SP5: variants seen among roughly 807,000 people sequenced by gnomAD.
The protein encoded by SP5 is transcription factor Sp5.
In SP5, 12 loss-of-function variants were observed where a neutral mutation model predicts 27.4. The ratio of observed to expected loss-of-function variants is 0.44; its 90% CI spans 0.28 to 0.71. The LOEUF (loss-of-function observed/expected upper bound fraction) is 0.71, where lower values mean the gene tolerates loss of function less well. Among genes scored for constraint, SP5 ranks in the 30% least tolerant of loss-of-function variants. SP5 has a pLI of 0.15. For synonymous variants in SP5, 330 were observed against 290.7 expected (o/e 1.14, Z -1.38); for missense variants, 660 against 589.8 (o/e 1.12, Z -1.23).
At position 170,716,698 on chromosome 2, in the gene SP5, C is replaced by T. The variant is rs1263203230; in HGVS notation, c.491C>T (p.Pro164Leu). 6 of 1,526,982 alleles carry T rather than the reference C, an allele frequency of 3.9e-6. No homozygotes were observed. Among genetic ancestry groups the T allele is most frequent in the Non-Finnish European group, 5.2e-6 (6 of 1,146,206 alleles). The allele number at this position is 1,526,982 out of a possible 1,614,324, so 94.6% of individuals were successfully genotyped here. A position where few individuals can be genotyped will look rare whatever the true frequency, so the allele number is the denominator to read the frequency against. ...CCGCCAGGCTACTCCAACCTGCTGC[C>T]TCCGCCGCCGCCACCGCCCCCGCCG... ...ALPPGYSNLL[P>L]PPPPPPPPPT... is the part of the protein sequence containing the mutation. Residue 164 changes from proline (P) to leucine (L), a missense_variant, in exon 2 of 2, where the codon CCT becomes CTT. Pro to Leu is a moderately conservative substitution (Grantham distance 98). Coordinates refer to ENST00000375281, the MANE Select transcript of SP5 (RefSeq NM_001003845.3).
rs776373844 is a variant in SP5 at position 170,716,410 on chromosome 2, G to A, written c.203G>A (p.Arg68Lys). ...GACCCCGCGCTGGGCTCACCCTCCA[G>A]GCTCTTCCACCCGTGGACCGCCGAC... Reference protein sequence around the residue: ...PYDPALGSPSRLFHPWTADMP... With the variant: ...PYDPALGSPSKLFHPWTADMP... The change falls in exon 2 of 2, where the codon AGG becomes AAG. Residue 68 changes from arginine (R) to lysine (K), a missense_variant. Physicochemically the swap from Arg to Lys is conservative, Grantham distance 26. Coordinates refer to ENST00000375281, the MANE Select transcript of SP5 (RefSeq NM_001003845.3). The A allele has an allele frequency of 3.8e-6, 6 of 1,599,948 alleles. No homozygotes were observed. The Admixed American group carries it at 1.0e-4, about 27-fold the overall frequency.
chr2:170,716,554 C>T lies in SP5; in HGVS notation c.347C>T (p.Pro116Leu), dbSNP rs901008140. Residue 116 changes from proline to leucine, a missense_variant, in exon 2 of 2, where the codon CCC (proline) becomes CTC (leucine). Physicochemically the swap from Pro to Leu is moderately conservative, Grantham distance 98. Transcript: ENST00000375281. ...GCGCACGAGCTTCCCCTTACACCCC[C>T]CGCCGACCCCTCGTACCCCTACGAG... Reference protein sequence around the residue: ...GAAHELPLTPPADPSYPYEFS... With the variant: ...GAAHELPLTPLADPSYPYEFS... 6.2e-7 allele frequency: 1 copy of T among 1,610,862 alleles called. No individual in the cohort carries two copies. Among genetic ancestry groups the T allele is most frequent in the African/African-American group, 1.3e-5 (1 of 74,820 alleles).
intron 1 of SP5, 95 bp downstream of exon 1, chr2:170,715,658 C>A (rs982612277): frequency 2.0e-6 from 3 of 1,476,636 alleles, no homozygotes; most frequent in African/African-American, 2.9e-5. Context: ...TCAAAGGGAA[C>A]CCCGCCGATG....
chr2:170,716,667 G>A lies in SP5; in HGVS notation c.460G>A (p.Ala154Thr), dbSNP rs1409789027. 5 of 1,597,806 alleles carry A rather than the reference G, an allele frequency of 3.1e-6. No homozygotes were observed. The highest frequency in any genetic ancestry group is 3.4e-6 in the Non-Finnish European group (4 of 1,175,300). ...CTACGTGCCCTACGCGGCGCAGGCC[G>A]CGCTGCCGCCAGGCTACTCCAACCT... ...PAYVPYAAQA[A>T]LPPGYSNLLP... The change falls in exon 2 of 2, where the codon GCG (alanine) becomes ACG (threonine). Residue 154 changes from alanine to threonine, a missense_variant. Coordinates refer to ENST00000375281, the MANE Select transcript of SP5 (RefSeq NM_001003845.3).
chr2:170,716,786 G>T lies in SP5; in HGVS notation c.579G>T (p.Pro193=). ...APDDLPWWSI[P]QAGAGPGASG... is the part of the protein sequence containing the mutation. ...ACGACCTCCCGTGGTGGAGCATCCC[G>T]CAGGCGGGCGCCGGGCCGGGGGCCT... is the stretch of plus-strand genomic sequence containing the variant. The change falls in exon 2 of 2, where the codon CCG becomes CCT. Residue 193 remains proline, a synonymous_variant. Transcript: ENST00000375281. The T allele has an allele frequency of 1.4e-6, 2 of 1,409,328 alleles. No individual in the cohort carries two copies. Among genetic ancestry groups the T allele is most frequent in the Non-Finnish European group, 1.8e-6 (2 of 1,087,230 alleles). 87.3% of individuals were successfully genotyped at this position (1,409,328 alleles called of 1,614,324 possible).
chr2:170,717,549 C>A lies in SP5; in HGVS notation c.*145C>A. The A allele has an allele frequency of 8.8e-7, 1 of 1,137,340 alleles. No individual in the cohort carries two copies. Among genetic ancestry groups the A allele is most frequent in the Non-Finnish European group, 1.2e-6 (1 of 815,222 alleles). 70.5% of individuals were successfully genotyped at this position (1,137,340 alleles called of 1,614,324 possible). ...GAGCCAGGCTTCCAACTTCCGCTGC[C>A]TTCGGACATAGGGACCCAGTTCCCA... On this transcript the variant is annotated 3_prime_UTR_variant, in exon 2 of 2. Coordinates refer to ENST00000375281, the MANE Select transcript of SP5 (RefSeq NM_001003845.3).
Position 170,715,454 on chromosome 2 carries a change from G to A in SP5, c.-59G>A, listed in dbSNP as rs982740561. 10 of 1,539,040 alleles carry A rather than the reference G, an allele frequency of 6.5e-6. No individual in the cohort carries two copies. Among genetic ancestry groups the A allele is most frequent in the South Asian group, 4.8e-5 (4 of 83,224 alleles). On this transcript the variant is annotated 5_prime_UTR_variant, in exon 1 of 2. In the 5' UTR this introduces an upstream ATG that the reference lacks. Coordinates refer to ENST00000375281, the MANE Select transcript of SP5 (RefSeq NM_001003845.3). ...GGCGGCCCTTCGTCCTCGCCTTCGG[G>A]TGTCCATGCCTCGGCGGCGGCGTCC...
At position 170,715,534 on chromosome 2, in the gene SP5, C is replaced by G; in HGVS notation, c.22C>G (p.Arg8Gly). The change falls in exon 1 of 2, where the codon CGG (arginine) becomes GGG (glycine). Residue 8 changes from arginine to glycine, a missense_variant. Physicochemically the swap from Arg to Gly is moderately radical, Grantham distance 125. Transcript: ENST00000375281. MAAVAVL[R>G]NDSLQAFLQD... ...AGCCATGGCCGCGGTGGCCGTCCTC[C>G]GGAACGACTCGCTGCAGGCCTTTCT... 1 of 1,558,566 alleles carries G rather than the reference C, an allele frequency of 6.4e-7. No individual in the cohort carries two copies. The highest frequency in any genetic ancestry group is 8.7e-7 in the Non-Finnish European group (1 of 1,151,942).
chr2:170,717,185 C>T lies in SP5; in HGVS notation c.978C>T (p.Phe326=), dbSNP rs1700089346. 6.2e-7 allele frequency: 1 copy of T among 1,608,130 alleles called. No homozygotes were observed. Among genetic ancestry groups the T allele is most frequent in the South Asian group, 1.1e-5 (1 of 90,382 alleles). The change falls in exon 2 of 2, where the codon TTC becomes TTT. Residue 326 remains phenylalanine (F), a synonymous_variant. Transcript: ENST00000375281. ...HLRWHTGERP[F]VCNWLFCGKS... ...GCTGGCACACGGGCGAGCGACCCTT[C>T]GTGTGCAACTGGCTCTTCTGCGGGA...
chr2:170,717,304 T>C lies in SP5; in HGVS notation c.1097T>C (p.Met366Thr), dbSNP rs748528446. 3 of 1,610,044 alleles carry C rather than the reference T, an allele frequency of 1.9e-6. No homozygotes were observed. Among genetic ancestry groups the C allele is most frequent in the South Asian group, 2.2e-5 (2 of 91,044 alleles). The change falls in exon 2 of 2, where the codon ATG becomes ACG. Residue 366 changes from methionine to threonine, a missense_variant. Transcript: ENST00000375281. ...FACPECGKRF[M>T]RSDHLAKHVK... ...TGTCCCGAGTGCGGCAAGCGCTTCATGCGCAGCGACCACCTCGCGAAGCAC... is the reference window on the plus strand; with the variant it reads ...TGTCCCGAGTGCGGCAAGCGCTTCACGCGCAGCGACCACCTCGCGAAGCAC...
intron 1 of SP5, chr2:170,715,845 G>C (rs949947560): frequency 1.3e-5 from 13 of 985,344 alleles, no homozygotes; most frequent in African/African-American, 1.7e-5. Flanking sequence ...GGGCGGGCCA[G>C]GGAGGAGCGC....
chr2:170,717,344 G>A lies in SP5; in HGVS notation c.1137G>A (p.Gln379=), dbSNP rs1012011796. 3.1e-6 allele frequency: 5 copies of A among 1,610,880 alleles called. No individual in the cohort carries two copies. The African/African-American group carries it at 4.0e-5, about 13-fold the overall frequency. Residue 379 remains glutamine, a synonymous_variant, in exon 2 of 2, where the codon CAG becomes CAA. Transcript: ENST00000375281. Reference sequence around the variant, plus strand: ...TCGCGAAGCACGTCAAGACTCACCAGAATAAGAAGCTCAAAGTCGCTGAGG... The same window carrying A: ...TCGCGAAGCACGTCAAGACTCACCAAAATAAGAAGCTCAAAGTCGCTGAGG... The part of the protein sequence containing the change: ...DHLAKHVKTH[Q]NKKLKVAEAG...
In SP5 at chr2:170,716,816, G is replaced by A. The variant is rs948193988; in HGVS notation, c.609G>A (p.Gly203=). ...PQAGAGPGAS[G]VPGSGLSGAC... is the part of the protein sequence containing the mutation. ...CGGGCGCCGGGCCGGGGGCCTCCGG[G>A]GTTCCGGGAAGCGGCCTCTCCGGCG... The change falls in exon 2 of 2, where the codon GGG becomes GGA. Residue 203 remains glycine, a synonymous_variant. Coordinates refer to ENST00000375281, the MANE Select transcript of SP5 (RefSeq NM_001003845.3). 39 of 1,396,004 alleles carry A rather than the reference G, an allele frequency of 2.8e-5. No homozygotes were observed. The highest frequency in any genetic ancestry group is 6.1e-5 in the African/African-American group (4 of 65,496). 86.5% of individuals were successfully genotyped at this position (1,396,004 alleles called of 1,614,324 possible). A position where few individuals can be genotyped will look rare whatever the true frequency, so the allele number is the denominator to read the frequency against.
In SP5 at chr2:170,715,512, CATGGCCGCG is replaced by C; in HGVS notation, c.1_9del (p.MetAlaAla1_?3). 6.4e-7 allele frequency: 1 copy of C among 1,553,398 alleles called. No individual in the cohort carries two copies. Among genetic ancestry groups the C allele is most frequent in the Non-Finnish European group, 8.7e-7 (1 of 1,149,102 alleles). ...CAGCCAGGGGCCTGCAAGCCGTAGC[CATGGCCGCG>C]GTGGCCGTCCTCCGGAACGACTCGC... On this transcript the variant is annotated start_lost and inframe_deletion, in exon 1 of 2. Coordinates refer to ENST00000375281, the MANE Select transcript of SP5 (RefSeq NM_001003845.3).
chr2:170,716,283 G>A lies in SP5; in HGVS notation c.76G>A (p.Asp26Asn), dbSNP rs747099222. 1.3e-6 allele frequency: 2 copies of A among 1,595,316 alleles called. No homozygotes were observed. Among genetic ancestry groups the A allele is most frequent in the Non-Finnish European group, 1.7e-6 (2 of 1,179,096 alleles). The stretch of plus-strand genomic sequence containing the variant: ...GGACCGCACCCCCAGCGCCTCCCCG[G>A]ACCTGGGCAAGCACTCGCCCCTGGC... ...LQDRTPSASPDLGKHSPLALL... is the reference protein window; with the variant it reads ...LQDRTPSASPNLGKHSPLALL... Residue 26 changes from aspartate (D) to asparagine (N), a missense_variant, in exon 2 of 2, where the codon GAC becomes AAC. Transcript: ENST00000375281.
chr2:170,717,339 C>T lies in SP5; in HGVS notation c.1132C>T (p.His378Tyr). The T allele has an allele frequency of 6.2e-7, 1 of 1,610,904 alleles. No homozygotes were observed. The highest frequency in any genetic ancestry group is 1.1e-5 in the South Asian group (1 of 91,082). ...SDHLAKHVKT[H>Y]QNKKLKVAEA... ...CCACCTCGCGAAGCACGTCAAGACT[C>T]ACCAGAATAAGAAGCTCAAAGTCGC... is the stretch of plus-strand genomic sequence containing the variant. Residue 378 changes from histidine (H) to tyrosine (Y), a missense_variant, in exon 2 of 2, where the codon CAC (histidine) becomes TAC (tyrosine). His to Tyr is a moderately conservative substitution (Grantham distance 83, BLOSUM62 2). Transcript: ENST00000375281.
In SP5 at chr2:170,715,472, C is replaced by T; in HGVS notation, c.-41C>T. 3.9e-6 allele frequency: 6 copies of T among 1,541,310 alleles called. No individual in the cohort carries two copies. The highest frequency in any genetic ancestry group is 5.2e-6 in the Non-Finnish European group (6 of 1,144,320). Reference sequence around the variant, plus strand: ...CCTTCGGGTGTCCATGCCTCGGCGGCGGCGTCCCGCTCCGCAGCCAGGGGC... The same window carrying T: ...CCTTCGGGTGTCCATGCCTCGGCGGTGGCGTCCCGCTCCGCAGCCAGGGGC... On this transcript the variant is annotated 5_prime_UTR_variant, in exon 1 of 2. Coordinates refer to ENST00000375281, the MANE Select transcript of SP5 (RefSeq NM_001003845.3).
chr2:170,715,560 C>T lies in SP5; in HGVS notation c.48C>T (p.Leu16=), dbSNP rs929660083. The change falls in exon 1 of 2, where the codon CTC becomes CTT. Residue 16 remains leucine (L), a synonymous_variant. Transcript: ENST00000375281. ...GGAACGACTCGCTGCAGGCCTTTCTCCAGGTCAGGGCCGAGCCCGGAGGGG... is the reference window on the plus strand; with the variant it reads ...GGAACGACTCGCTGCAGGCCTTTCTTCAGGTCAGGGCCGAGCCCGGAGGGG... The part of the protein sequence containing the change: ...VLRNDSLQAF[L]QDRTPSASPD... The T allele has an allele frequency of 6.4e-7, 1 of 1,557,104 alleles. No individual in the cohort carries two copies. The highest frequency in any genetic ancestry group is 1.4e-5 in the African/African-American group (1 of 73,464).
Position 170,715,360 on chromosome 2 carries a change from CGGGGCGCGGCGAGG to C in SP5, c.-150_-137del. 1 of 995,326 alleles carries C rather than the reference CGGGGCGCGGCGAGG, an allele frequency of 1.0e-6. No individual in the cohort carries two copies. The highest frequency in any genetic ancestry group is 1.4e-6 in the Non-Finnish European group (1 of 735,052). The allele number at this position is 995,326 out of a possible 1,614,324, so 61.7% of individuals were successfully genotyped here. On this transcript the variant is annotated 5_prime_UTR_variant, in exon 1 of 2. Transcript: ENST00000375281. ...TCAGACCGCGCGCGGGGCGAGCGAG[CGGGGCGCGGCGAGG>C]GGCAAGGGCGGGGAGGGCCCCGGCG...
Sources: gnomAD v4.1 joint callset for allele counts on GRCh38, gnomAD v4.1.1 for gene constraint, MANE v1.5 for transcripts, NCBI Gene and HGNC (gene_info 2026-07-23, HGNC 2026-07-21) for gene names.